Variants in STXBP5L observed in about 807,000 individuals in gnomAD.
STXBP5L encodes syntaxin-binding protein 5-like.
In STXBP5L, 65 loss-of-function variants were observed where a neutral mutation model predicts 144.5. The observed-to-expected ratio is 0.45, with a 90% confidence interval of 0.37 to 0.55. STXBP5L has a LOEUF of 0.55. Among genes scored for constraint, STXBP5L ranks in the 20% least tolerant of loss-of-function variants. The probability of loss-of-function intolerance (pLI) is 0.00; values close to 1 mark genes in which losing one functional copy is unlikely to be tolerated. For synonymous variants in STXBP5L, 505 were observed against 469.6 expected (o/e 1.08, Z -0.97); for missense variants, 1,298 against 1,405.5 (o/e 0.92, Z 1.22).
At chr3:120,970,463 C>T (rs1940117021) in intron 3 of STXBP5L, among the ~76,000 whole-genome samples, 1 of 152,014 alleles carries the variant, frequency 6.6e-6, no homozygotes, top group Non-Finnish European at 1.5e-5. Flanking sequence ...TTTTGGATGG[C>T]AATTTTTCCC....
intron 9 of STXBP5L, among the ~76,000 whole-genome samples, chr3:121,172,630 G>A (rs1195955966): frequency 6.6e-6 from 1 of 152,202 alleles, no homozygotes; most frequent in Non-Finnish European, 1.5e-5. Context: ...ACCACAGTGA[G>A]ATACCATCTC....
intron 18 of STXBP5L, among the ~76,000 whole-genome samples, chr3:121,260,503 A>G (rs13081262): frequency 6.6e-6 from 1 of 152,050 alleles, no homozygotes; most frequent in African/African-American, 2.4e-5. Flanking sequence ...ATTAATAAAA[A>G]CAAAAAAATT....
At chr3:121,312,318 G>A (rs944628540) in intron 19 of STXBP5L, among the ~76,000 whole-genome samples, 3 of 146,920 alleles carry the variant, frequency 2.0e-5, no homozygotes, top group African/African-American at 7.5e-5. Flanking sequence ...AAAAGCAATG[G>A]CAACAAAAGC....
chr3:121,315,952 G>A (rs891814051), intron 19 of STXBP5L, among the ~76,000 whole-genome samples: 8 of 150,700 alleles, frequency 5.3e-5, no homozygotes, highest in Admixed American at 2.0e-4. Flanking sequence ...GCAGTGAGCC[G>A]AGATTGCACC....
intron 18 of STXBP5L, among the ~76,000 whole-genome samples, chr3:121,275,715 A>C (rs1428902638): frequency 6.6e-6 from 1 of 152,140 alleles, no homozygotes; most frequent in Non-Finnish European, 1.5e-5. Flanking sequence ...CTTTATTATA[A>C]GATGAATCCA....
At chr3:121,377,195 C>G (rs2108675616) in intron 20 of STXBP5L, among the ~76,000 whole-genome samples, 1 of 152,160 alleles carries the variant, frequency 6.6e-6, no homozygotes, top group East Asian at 1.9e-4. Context: ...TTGGCTTTCT[C>G]TTTTCCTATT....
chr3:121,182,444 A>G (rs1047627967), intron 9 of STXBP5L, among the ~76,000 whole-genome samples: 1 of 152,198 alleles, frequency 6.6e-6, no homozygotes, highest in African/African-American at 2.4e-5. Flanking sequence ...GGAAATCAAG[A>G]TTTAAATTTA....
At chr3:121,093,795 A>G (rs2042959778) in intron 5 of STXBP5L, among the ~76,000 whole-genome samples, 1 of 151,910 alleles carries the variant, frequency 6.6e-6, no homozygotes, top group Non-Finnish European at 1.5e-5. Context: ...GATTTTAGTT[A>G]TTTCTTGCCT....
At chr3:121,282,187 A>C in intron 19 of STXBP5L, 131 of 1,232,326 alleles carry the variant, frequency 1.1e-4, no homozygotes, top group Non-Finnish European at 1.5e-4. Context: ...CTGGTATGAT[A>C]TCACTTCCTT....
At chr3:121,096,911 A>T (rs1226688718) in intron 5 of STXBP5L, among the ~76,000 whole-genome samples, 1 of 152,174 alleles carries the variant, frequency 6.6e-6, no homozygotes, top group Non-Finnish European at 1.5e-5. Flanking sequence ...GCTGTCAGGC[A>T]GGGATGTTTA....
At chr3:121,186,317 G>T (rs933212440) in intron 9 of STXBP5L, among the ~76,000 whole-genome samples, 3 of 152,154 alleles carry the variant, frequency 2.0e-5, no homozygotes, top group Non-Finnish European at 4.4e-5. Flanking sequence ...GCCCTGGCCA[G>T]AACTTCCAAC....
chr3:121,017,194 A>G (rs549286703), intron 3 of STXBP5L, among the ~76,000 whole-genome samples: 2 of 152,210 alleles, frequency 1.3e-5, no homozygotes, highest in African/African-American at 2.4e-5. Flanking sequence ...TTAAATGATT[A>G]TATTAGTAGA....
At chr3:121,210,364 C>G (rs569653538) in intron 10 of STXBP5L, among the ~76,000 whole-genome samples, 7 of 151,008 alleles carry the variant, frequency 4.6e-5, no homozygotes, top group African/African-American at 1.7e-4. Context: ...CAAAAATTTT[C>G]TCCCATTCTG....
At chr3:121,310,663 C>G (rs566543928) in intron 19 of STXBP5L, among the ~76,000 whole-genome samples, 1 of 151,442 alleles carries the variant, frequency 6.6e-6, no homozygotes, top group Non-Finnish European at 1.5e-5. Flanking sequence ...AATCCTAGCA[C>G]CTTGGGAGGC....
chr3:121,210,518 T>C (rs1418166995), intron 10 of STXBP5L, among the ~76,000 whole-genome samples: 7 of 152,228 alleles, frequency 4.6e-5, no homozygotes, highest in African/African-American at 1.4e-4. Context: ...GCCTATGTCC[T>C]GCATGGTATT....
intron 19 of STXBP5L, among the ~76,000 whole-genome samples, chr3:121,300,134 A>G (rs1252531785): frequency 6.6e-6 from 1 of 152,164 alleles, no homozygotes; most frequent in Non-Finnish European, 1.5e-5. Context: ...GATTTTTTCC[A>G]TCAGAAATAA....
At chr3:121,206,407 G>C (rs1577207703) in intron 10 of STXBP5L, among the ~76,000 whole-genome samples, 1 of 152,106 alleles carries the variant, frequency 6.6e-6, no homozygotes, top group African/African-American at 2.4e-5. Context: ...ATTACAGTTT[G>C]TTCGAAAGAT....
intron 9 of STXBP5L, among the ~76,000 whole-genome samples, chr3:121,196,893 G>A (rs1298463001): frequency 6.6e-6 from 1 of 152,076 alleles, no homozygotes; most frequent in Non-Finnish European, 1.5e-5. Flanking sequence ...ATGTTGCCCA[G>A]TCTGGTCTCA....
chr3:121,201,287 T>C (rs1355382448), intron 9 of STXBP5L, among the ~76,000 whole-genome samples: 1 of 152,236 alleles, frequency 6.6e-6, no homozygotes, highest in Non-Finnish European at 1.5e-5. Flanking sequence ...TTTTCCTTTT[T>C]TGATCTTTGT....
Sources: allele counts gnomAD v4.1 joint callset (sites outside exome capture counted in the v4.1 genomes callset), GRCh38; gene constraint gnomAD v4.1.1; transcripts MANE v1.5; gene names NCBI Gene and HGNC (gene_info 2026-07-23, HGNC 2026-07-21).